The following NRXN1 variants were observed in gnomAD, a reference collection of about 807,000 sequenced individuals.
The protein encoded by NRXN1 is neurexin-1.
In NRXN1, 39 loss-of-function variants were observed where a neutral mutation model predicts 150.9. The observed-to-expected ratio is 0.26, with a 90% confidence interval of 0.20 to 0.34. NRXN1 has a LOEUF of 0.34. Ranked by LOEUF, NRXN1 falls within the 10% of genes least tolerant of loss-of-function variation. NRXN1 has a pLI of 1.00. For missense variants in NRXN1, 1,815 were observed against 1,949.9 expected (o/e 0.93, Z 1.30); for synonymous variants, 924 against 757.0 (o/e 1.22, Z -3.62).
chr2:50,596,985 T>C (rs1675341265), intron 8 of NRXN1, among the ~76,000 whole-genome samples: 1 of 149,868 alleles, frequency 6.7e-6, no homozygotes, highest in African/African-American at 2.5e-5. Context: ...CCTGAGTAGC[T>C]GGGACAACAG....
chr2:49,948,846 G>A (rs997182024), intron 21 of NRXN1, among the ~76,000 whole-genome samples: 4 of 151,716 alleles, frequency 2.6e-5, no homozygotes, highest in Non-Finnish European at 4.4e-5. Flanking sequence ...AGACAGAAGC[G>A]TGATCAAGCA....
chr2:50,966,093 T>C (rs1207285205), intron 2 of NRXN1, among the ~76,000 whole-genome samples: 1 of 151,716 alleles, frequency 6.6e-6, no homozygotes, highest in Non-Finnish European at 1.5e-5. Context: ...AGCTCACCTA[T>C]TTTTAAAATG....
chr2:50,611,905 T>G (rs918071595), intron 8 of NRXN1, among the ~76,000 whole-genome samples: 26 of 152,144 alleles, frequency 1.7e-4, no homozygotes, highest in Admixed American at 1.2e-3. Context: ...TCCTGCTGCT[T>G]CTTCTCCCCA....
chr2:50,051,736 C>T (rs1299573281), intron 21 of NRXN1, among the ~76,000 whole-genome samples: 1 of 152,102 alleles, frequency 6.6e-6, no homozygotes, highest in African/African-American at 2.4e-5. Flanking sequence ...TGCAGGCAAA[C>T]AGTCCTACTA....
rs534547534 is a variant in NRXN1, at chr2:49,927,057, G to A, written c.4217-4806C>T. Among the ~76,000 whole-genome samples, 10 of 152,242 alleles carry A rather than the reference G, an allele frequency of 6.6e-5. No individual in the cohort carries two copies. The South Asian group carries it at 1.0e-3, about 16-fold the overall frequency. On this transcript the variant is annotated intron_variant, in intron 22 of 22. Transcript: ENST00000401669. ...CCCCACCCCCAGGTAAATGAAGAAG[G>A]TCAGGCCAGCAGGGGCCAGGACTTT...
intron 2 of NRXN1, among the ~76,000 whole-genome samples, chr2:50,965,177 C>T (rs12612704): frequency 0.81 from 122,109 of 151,104 alleles, 49,744 homozygotes; most frequent in East Asian, 0.99. Flanking sequence ...TATAGATATA[C>T]GATATATTGT....
chr2:50,360,475 G>C (rs988704771), intron 17 of NRXN1, among the ~76,000 whole-genome samples: 5 of 152,138 alleles, frequency 3.3e-5, no homozygotes, highest in African/African-American at 1.2e-4. Context: ...TGATAAAACA[G>C]ACTTTACACC....
At chr2:50,594,936 G>A (rs1033968974) in intron 8 of NRXN1, among the ~76,000 whole-genome samples, 1 of 151,172 alleles carries the variant, frequency 6.6e-6, no homozygotes, top group Non-Finnish European at 1.5e-5. Context: ...TGTGTCTTTT[G>A]TCCACGGTAC....
At chr2:50,338,744 T>C (rs2077353564) in intron 17 of NRXN1, among the ~76,000 whole-genome samples, 2 of 151,886 alleles carry the variant, frequency 1.3e-5, no homozygotes, top group Middle Eastern at 3.5e-3. Flanking sequence ...TGTTGCTGCA[T>C]GCCCCTTCAA....
At chr2:50,885,906 T>A (rs35650250) in intron 5 of NRXN1, among the ~76,000 whole-genome samples, 77,828 of 150,424 alleles carry the variant, frequency 0.52, 21,712 homozygotes, top group Non-Finnish European at 0.64. Context: ...TACATTTTAG[T>A]TAATTGTCTC....
chr2:50,586,493 T>C (rs940119587), intron 8 of NRXN1, among the ~76,000 whole-genome samples: 1 of 152,168 alleles, frequency 6.6e-6, no homozygotes, highest in South Asian at 2.1e-4. Context: ...CCTATAATAG[T>C]GTCTGGTATA....
intron 8 of NRXN1, among the ~76,000 whole-genome samples, chr2:50,590,458 T>G (rs770398570): frequency 7.9e-5 from 12 of 152,172 alleles, no homozygotes; most frequent in African/African-American, 2.9e-4. Context: ...CCTTAATACC[T>G]TTATATACCT....
At chr2:50,378,156 A>C (rs2080666543) in intron 17 of NRXN1, among the ~76,000 whole-genome samples, 2 of 152,172 alleles carry the variant, frequency 1.3e-5, no homozygotes, top group Admixed American at 6.6e-5. Flanking sequence ...TTAGTCAATA[A>C]GTTTGATACC....
intron 5 of NRXN1, among the ~76,000 whole-genome samples, chr2:50,910,964 A>G (rs1344462634): frequency 2.6e-5 from 4 of 152,030 alleles, no homozygotes; most frequent in African/African-American, 4.8e-5. Context: ...AGTTCCACTG[A>G]CATTAAAAAA....
intron 17 of NRXN1, among the ~76,000 whole-genome samples, chr2:50,357,449 C>T (rs546218396): frequency 6.6e-6 from 1 of 152,072 alleles, no homozygotes; most frequent in East Asian, 1.9e-4. Flanking sequence ...GCTGGGATTA[C>T]AAGCATGTGC....
chr2:50,350,857 G>A (rs1356116435), intron 17 of NRXN1, among the ~76,000 whole-genome samples: 2 of 152,100 alleles, frequency 1.3e-5, no homozygotes, highest in African/African-American at 4.8e-5. Context: ...AATATTTATG[G>A]CTGCCTCAAA....
chr2:50,222,160 T>C (rs1299035901), intron 18 of NRXN1, among the ~76,000 whole-genome samples: 1 of 151,974 alleles, frequency 6.6e-6, no homozygotes, highest in African/African-American at 2.4e-5. Context: ...TCCCATAATA[T>C]TGTGAAGCCA....
intron 2 of NRXN1, among the ~76,000 whole-genome samples, chr2:51,017,068 C>G (rs1006184861): frequency 1.3e-5 from 2 of 151,064 alleles, no homozygotes; most frequent in Non-Finnish European, 2.9e-5. Context: ...AACACATGGA[C>G]ACAGGGAGGG....
In NRXN1 at chr2:50,816,240, C is replaced by T. The variant is rs138061656; in HGVS notation, c.832+105629G>A. Among the ~76,000 whole-genome samples the T allele has an allele frequency of 3.2e-3, 488 of 151,928 alleles. 3 individuals carry two copies. The highest frequency in any genetic ancestry group is 5.8e-3 in the Non-Finnish European group (396 of 67,950). ...TTATCTATTATGCCCCATTGATGAACGCTTTGGGAGGGTGATGTTAAATCT... is the reference window on the plus strand; with the variant it reads ...TTATCTATTATGCCCCATTGATGAATGCTTTGGGAGGGTGATGTTAAATCT... On this transcript the variant is annotated intron_variant, in intron 5 of 22. Transcript: ENST00000401669.
Sources: allele counts gnomAD v4.1 joint callset (sites outside exome capture counted in the v4.1 genomes callset), GRCh38; gene constraint gnomAD v4.1.1; transcripts MANE v1.5; gene names NCBI Gene and HGNC (gene_info 2026-07-23, HGNC 2026-07-21).